Variants in IFT172 observed in about 807,000 individuals in gnomAD.
IFT172 encodes the protein intraflagellar transport 172.
A neutral mutation model predicts 248.9 loss-of-function variants in IFT172; 164 were observed. That is an observed-to-expected ratio of 0.66 (90% CI 0.58 to 0.75). IFT172 has a LOEUF of 0.75. IFT172 is among the 30% of genes least tolerant of loss of function. The pLI is 0.00. For synonymous variants in IFT172, 729 were observed against 791.6 expected, an observed-to-expected ratio of 0.92 and a Z score of 1.33; for missense variants, 1,950 against 2,192.4, an observed-to-expected ratio of 0.89 and a Z score of 2.21.
intron 19 of IFT172, 92 bp downstream of exon 19, chr2:27,463,005 G>T: frequency 6.9e-7 from 1 of 1,442,940 alleles, no homozygotes; most frequent in Non-Finnish European, 9.7e-7. Flanking sequence ...AAGGAAACTG[G>T]GGATGGCTGG....
rs917873749 is a variant in IFT172 at position 27,445,305 on chromosome 2, G to A, written c.5059C>T (p.Leu1687Phe). The change falls in exon 46 of 48, where the codon CTT (leucine) becomes TTT (phenylalanine). Residue 1687 changes from leucine to phenylalanine, a missense_variant. Physicochemically the swap from Leu to Phe is conservative, Grantham distance 22 (BLOSUM62 0). Transcript: ENST00000260570. This position sits in a 1 kb window ranked among gnomAD's most constrained non-coding sequence, Gnocchi z 4.4. ...CTGTAGGCTTCTATACCTGTAATAA[G>A]GCAGGGCAGGGCTCGAACACCAGTG... ...ASTGVRALPCLITGYPILRNK... is the reference protein window; with the variant it reads ...ASTGVRALPCFITGYPILRNK... 5.6e-6 allele frequency: 9 copies of A among 1,611,916 alleles called. No individual in the cohort carries two copies. The highest frequency in any genetic ancestry group is 1.7e-4 in the Middle Eastern group (1 of 5,824).
intron 25 of IFT172, chr2:27,459,132 GA>G: frequency 1.6e-6 from 1 of 620,058 alleles, no homozygotes; most frequent in Non-Finnish European, 2.7e-6. Flanking sequence ...CATTATTCAT[GA>G]AGAATCACGC....
intron 16 of IFT172, among the ~76,000 whole-genome samples, chr2:27,468,386 C>T: frequency 6.6e-6 from 1 of 151,586 alleles, no homozygotes; most frequent in Admixed American, 6.6e-5. Flanking sequence ...GAGCATGCCA[C>T]CATGCCCAGG....
chr2:27,446,083 G>A (rs1452462129), intron 43 of IFT172, 95 bp from the exon 44 acceptor site: 8 of 1,485,568 alleles, frequency 5.4e-6, no homozygotes, highest in East Asian at 2.3e-5. Context: ...AGCAAGCTGG[G>A]CTTGAATGCT....
chr2:27,453,443 A>G lies in IFT172; in HGVS notation c.3892T>C (p.Cys1298Arg), dbSNP rs1475147599. The change falls in exon 35 of 48, where the codon TGC (cysteine) becomes CGC (arginine). Residue 1298 changes from cysteine to arginine, a missense_variant. Physicochemically the swap from Cys to Arg is radical, Grantham distance 180. Coordinates refer to ENST00000260570, the MANE Select transcript of IFT172 (RefSeq NM_015662.3). Reference protein sequence around the residue: ...QAGEYSRAVDCYLKVRDSGNS... With the variant: ...QAGEYSRAVDRYLKVRDSGNS... Reference sequence around the variant, plus strand: ...CCAGAGTCTCGCACTTTGAGGTAGCAGTCCACGGCACGGCTGTACTCTCCA... The same window carrying G: ...CCAGAGTCTCGCACTTTGAGGTAGCGGTCCACGGCACGGCTGTACTCTCCA... The G allele has an allele frequency of 6.2e-7, 1 of 1,614,200 alleles. No homozygotes were observed. The highest frequency in any genetic ancestry group is 1.1e-5 in the South Asian group (1 of 91,086).
chr2:27,458,293 G>T, intron 26 of IFT172, 70 bp from the exon 27 acceptor site: 2 of 1,292,430 alleles, frequency 1.5e-6, no homozygotes, highest in Non-Finnish European at 1.1e-6. Context: ...AAGGAAACCT[G>T]CTTGTTCAGA....
At chr2:27,470,020 C>A (rs1163786690) in intron 16 of IFT172, among the ~76,000 whole-genome samples, 1 of 151,606 alleles carries the variant, frequency 6.6e-6, no homozygotes, top group Non-Finnish European at 1.5e-5. Flanking sequence ...GTAACCTCTA[C>A]AGAAACAGGA....
chr2:27,483,448 C>A, intron 6 of IFT172, 72 bp from the exon 7 acceptor site: 1 of 1,399,360 alleles, frequency 7.1e-7, no homozygotes, highest in South Asian at 1.2e-5. Context: ...CTTTCTCTGT[C>A]AAACACAACC....
intron 25 of IFT172, 33 bp downstream of exon 25, chr2:27,459,345 T>C: frequency 1.2e-6 from 2 of 1,610,770 alleles, no homozygotes; most frequent in South Asian, 1.1e-5. Context: ...TCTACTGCAT[T>C]GCCTCGTGCT....
intron 18 of IFT172, among the ~76,000 whole-genome samples, chr2:27,463,867 A>G (rs1442345434): frequency 6.6e-6 from 1 of 152,164 alleles, no homozygotes; most frequent in Non-Finnish European, 1.5e-5. Flanking sequence ...TTGGAGACTA[A>G]TGGGCAAGCA....
At chr2:27,483,144 C>CA (rs1175855981) in intron 7 of IFT172, 145 bp downstream of exon 7, 1 of 601,804 alleles carries the variant, frequency 1.7e-6, no homozygotes, top group African/African-American at 1.9e-5. Flanking sequence ...GCTGGGACTA[C>CA]AGGCCCATGC....
At chr2:27,476,875 T>G in intron 13 of IFT172, 149 bp from the exon 14 acceptor site, 1 of 622,012 alleles carries the variant, frequency 1.6e-6, no homozygotes, top group Non-Finnish European at 2.9e-6. Context: ...AAAGCTGAAG[T>G]GCAGTGGTGT....
chr2:27,469,045 T>C (rs1397786789), intron 16 of IFT172, among the ~76,000 whole-genome samples: 1 of 152,084 alleles, frequency 6.6e-6, no homozygotes, highest in African/African-American at 2.4e-5. Flanking sequence ...AAAGGCTAGA[T>C]AAAAACATGT....
chr2:27,485,014 TCAC>T lies in IFT172; in HGVS notation c.296+1_296+3del. The T allele has an allele frequency of 6.7e-7, 1 of 1,496,216 alleles. No homozygotes were observed. Among genetic ancestry groups the T allele is most frequent in the Non-Finnish European group, 9.3e-7 (1 of 1,073,984 alleles). The allele number at this position is 1,496,216 out of a possible 1,614,324, so 92.7% of individuals were successfully genotyped here. A position where few individuals can be genotyped will look rare whatever the true frequency, so the allele number is the denominator to read the frequency against. On this transcript the variant is annotated splice_donor_variant and splice_donor_region_variant and intron_variant, in intron 3 of 47. Transcript: ENST00000260570. LOFTEE classifies it high-confidence loss of function. ...CCATCCCATCTCCCAGTCTCTATCC[TCAC>T]CAATCTTCTCCAATCTTGTAGACAT...
intron 35 of IFT172, among the ~76,000 whole-genome samples, chr2:27,452,872 G>A (rs1665798862): frequency 6.6e-6 from 1 of 152,178 alleles, no homozygotes; most frequent in East Asian, 1.9e-4. Context: ...CTCCAATACA[G>A]TATGTCTTAT....
In IFT172 at chr2:27,485,004, G is replaced by C. The variant is rs896306954; in HGVS notation, c.296+14C>G. On this transcript the variant is annotated intron_variant, in intron 3 of 47. Transcript: ENST00000260570. ...CTTTCCTGGGCCATCCCATCTCCCA[G>C]TCTCTATCCTCACCAATCTTCTCCA... 7.1e-7 allele frequency: 1 copy of C among 1,410,480 alleles called. No individual in the cohort carries two copies. Among genetic ancestry groups the C allele is most frequent in the African/African-American group, 1.4e-5 (1 of 70,630 alleles). 87.4% of individuals were successfully genotyped at this position (1,410,480 alleles called of 1,614,324 possible). A position where few individuals can be genotyped will look rare whatever the true frequency, so the allele number is the denominator to read the frequency against.
intron 7 of IFT172, among the ~76,000 whole-genome samples, chr2:27,482,424 CTG>C (rs960814838): frequency 7.9e-5 from 12 of 152,140 alleles, no homozygotes; most frequent in African/African-American, 2.9e-4. Context: ...TCCCAGAAAG[CTG>C]GGATTACAGG....
intron 9 of IFT172, 99 bp from the exon 10 acceptor site, chr2:27,479,703 G>A (rs1668220441): frequency 2.4e-6 from 2 of 842,988 alleles, no homozygotes; most frequent in Middle Eastern, 2.6e-4. Context: ...CTAGAGTCTA[G>A]AGAAGAGTTG....
chr2:27,484,086 G>T, intron 4 of IFT172, 141 bp downstream of exon 4: 1 of 1,319,024 alleles, frequency 7.6e-7, no homozygotes, highest in Non-Finnish European at 1.1e-6. Flanking sequence ...AGATGACCAT[G>T]AACAGCCATG....
Sources: gnomAD v4.1 joint callset for allele counts (sites outside exome capture counted in the v4.1 genomes callset) on GRCh38, gnomAD v4.1.1 for gene constraint, Gnocchi (gnomAD v3.1) non-coding constraint, MANE v1.5 for transcripts, NCBI Gene and HGNC (gene_info 2026-07-23, HGNC 2026-07-21) for gene names.